ENTPD1: variants seen among roughly 807,000 people sequenced by gnomAD.
ENTPD1 encodes the protein ectonucleoside triphosphate diphosphohydrolase 1, also known as ATP diphosphohydrolase.
Under a neutral mutation model 57.0 loss-of-function variants are expected in ENTPD1, and 33 were observed. The observed-to-expected ratio is 0.58, with a 90% confidence interval of 0.44 to 0.77. ENTPD1 has a LOEUF of 0.77. Among genes scored for constraint, ENTPD1 ranks in the 30% least tolerant of loss-of-function variants. ENTPD1 has a pLI of 0.00. For synonymous variants in ENTPD1, 202 were observed against 218.8 expected, an observed-to-expected ratio of 0.92 and a Z score of 0.68; for missense variants, 501 against 603.4, an observed-to-expected ratio of 0.83 and a Z score of 1.78.
chr10:95,744,084 C>G (rs1222427283), intron 1 of ENTPD1, among the ~76,000 whole-genome samples: 1 of 141,948 alleles, frequency 7.0e-6, no homozygotes, highest in Non-Finnish European at 1.5e-5. Context: ...CCCTATTAAG[C>G]TAAACCTGAG....
the ENTPD1 span, among the ~76,000 whole-genome samples, chr10:95,698,769 A>C: frequency 6.6e-6 from 1 of 152,208 alleles, no homozygotes; most frequent in African/African-American, 2.4e-5. Context: ...TTTTTTCTTT[A>C]TAAATTACCC....
At position 95,811,359 on chromosome 10, in the gene ENTPD1, C is replaced by T. The variant is rs548909190; in HGVS notation, c.17-11878C>T. Reference sequence around the variant, plus strand: ...CAAAGTCAACATTAAACCACCAGCGCACAACTTCCTATGTACCCAATGTTC... The same window carrying T: ...CAAAGTCAACATTAAACCACCAGCGTACAACTTCCTATGTACCCAATGTTC... On this transcript the variant is annotated intron_variant, in intron 1 of 9. Coordinates refer to ENST00000371205, the MANE Select transcript of ENTPD1 (RefSeq NM_001776.6). Among the ~76,000 whole-genome samples the T allele has an allele frequency of 7.9e-5, 12 of 152,260 alleles. No homozygotes were observed. The South Asian group carries it at 2.5e-3, about 32-fold the overall frequency.
chr10:95,871,412 C>T lies in ENTPD1; in HGVS notation c.*5029C>T, dbSNP rs778650594. The T allele has an allele frequency of 9.1e-6, 9 of 985,310 alleles. No individual in the cohort carries two copies. Among genetic ancestry groups the T allele is most frequent in the African/African-American group, 1.7e-5 (1 of 57,242 alleles). 61.0% of individuals were successfully genotyped at this position (985,310 alleles called of 1,614,324 possible). On this transcript the variant is annotated 3_prime_UTR_variant, in exon 10 of 10. Coordinates refer to ENST00000371205, the MANE Select transcript of ENTPD1 (RefSeq NM_001776.6). ...GCTGTGGCAGCTCCCACATTAGCCT[C>T]GCATTCTAAACTGGTAGATGTCCTA... is the stretch of plus-strand genomic sequence containing the variant.
chr10:95,847,617 A>C lies in ENTPD1; in HGVS notation c.985A>C (p.Ile329Leu). The change falls in exon 7 of 10, where the codon ATC becomes CTC. Residue 329 changes from isoleucine to leucine, a missense_variant. Transcript: ENST00000371205. Reference sequence around the variant, plus strand: ...AAACTATCAACAATGCCATCAAAGCATCCTGGAGCTCTTCAACACCAGTTA... The same window carrying C: ...AAACTATCAACAATGCCATCAAAGCCTCCTGGAGCTCTTCAACACCAGTTA... Reference protein sequence around the residue: ...IGNYQQCHQSILELFNTSYCP... With the variant: ...IGNYQQCHQSLLELFNTSYCP... 1 of 1,614,216 alleles carries C rather than the reference A, an allele frequency of 6.2e-7. No individual in the cohort carries two copies. Among genetic ancestry groups the C allele is most frequent in the Non-Finnish European group, 8.5e-7 (1 of 1,180,034 alleles).
At chr10:95,814,109 G>A (rs998050480) in intron 1 of ENTPD1, among the ~76,000 whole-genome samples, 2 of 152,294 alleles carry the variant, frequency 1.3e-5, no homozygotes, top group African/African-American at 4.8e-5. Context: ...AGATTGTTAC[G>A]CCTTTTGGCT....
At chr10:95,835,574 C>G (rs1450741662) in intron 2 of ENTPD1, among the ~76,000 whole-genome samples, 1 of 152,162 alleles carries the variant, frequency 6.6e-6, no homozygotes, top group African/African-American at 2.4e-5. Context: ...TAAGCATTCT[C>G]TTGTATGCAC....
intron 1 of ENTPD1, among the ~76,000 whole-genome samples, chr10:95,739,421 C>T (rs2097997906): frequency 6.6e-6 from 1 of 152,208 alleles, no homozygotes. Context: ...CATTTTAAAT[C>T]CTTTGCTGTC....
chr10:95,718,529 G>A (rs572363973), intron 1 of ENTPD1, among the ~76,000 whole-genome samples: 86 of 152,206 alleles, frequency 5.7e-4, no homozygotes, highest in African/African-American at 1.9e-3. Context: ...ATGGCTTCCT[G>A]ATGTTTGATA....
At chr10:95,705,331 T>C in the ENTPD1 span, among the ~76,000 whole-genome samples, 4 of 151,646 alleles carry the variant, frequency 2.6e-5, no homozygotes, top group African/African-American at 7.3e-5. Flanking sequence ...AAAAGACTTG[T>C]ATGACAACAT....
chr10:95,729,116 A>G (rs2097986727), intron 1 of ENTPD1, among the ~76,000 whole-genome samples: 1 of 152,036 alleles, frequency 6.6e-6, no homozygotes, highest in Non-Finnish European at 1.5e-5. Context: ...ATTTTTTGAA[A>G]TCCACATGTA....
chr10:95,833,440 A>G (rs2098402164), intron 2 of ENTPD1: 1 of 152,256 alleles, frequency 6.6e-6, no homozygotes, highest in Non-Finnish European at 1.5e-5. Flanking sequence ...GTTTGTTTAT[A>G]GAGTACTAGA....
At chr10:95,710,072 C>T (rs2097964317), upstream of ENTPD1, among the ~76,000 whole-genome samples, 1 of 152,092 alleles carries the variant, frequency 6.6e-6, no homozygotes, top group Non-Finnish European at 1.5e-5. Flanking sequence ...CTGTGCACAG[C>T]CCCCAAGACG....
intron 1 of ENTPD1, among the ~76,000 whole-genome samples, chr10:95,725,115 T>C (rs1322205348): frequency 1.6e-5 from 2 of 124,522 alleles, no homozygotes; most frequent in African/African-American, 3.0e-5. Context: ...CTTATTCTGA[T>C]ACTTTCAATC....
chr10:95,719,507 G>T (rs1479430046), intron 1 of ENTPD1, among the ~76,000 whole-genome samples: 1 of 152,320 alleles, frequency 6.6e-6, no homozygotes, highest in Non-Finnish European at 1.5e-5. Flanking sequence ...TTGGGATGAG[G>T]ATAAGCCAGT....
chr10:95,734,700 T>C (rs2097992725), intron 1 of ENTPD1, among the ~76,000 whole-genome samples: 1 of 152,264 alleles, frequency 6.6e-6, no homozygotes, highest in Admixed American at 6.5e-5. Flanking sequence ...ATACTTAGTC[T>C]GTTAATTCCT....
chr10:95,741,682 C>T (rs923491733), intron 1 of ENTPD1, among the ~76,000 whole-genome samples: 15 of 152,168 alleles, frequency 9.9e-5, no homozygotes, highest in Admixed American at 9.2e-4. Flanking sequence ...AGGCATTAAG[C>T]AGTTCCCAGG....
chr10:95,846,238 G>A (rs2098435469), intron 6 of ENTPD1: 1 of 153,880 alleles, frequency 6.5e-6, no homozygotes, highest in Non-Finnish European at 1.4e-5. Flanking sequence ...AATTAGCTGG[G>A]CATGGTGGCA....
chr10:95,805,396 G>T (rs913720806), intron 1 of ENTPD1, among the ~76,000 whole-genome samples: 2 of 152,108 alleles, frequency 1.3e-5, no homozygotes, highest in East Asian at 3.8e-4. Context: ...TTTCACATGA[G>T]ATGGGTCTCC....
chr10:95,759,850 G>C (rs1020244461), intron 1 of ENTPD1, among the ~76,000 whole-genome samples: 4 of 152,182 alleles, frequency 2.6e-5, no homozygotes, highest in African/African-American at 9.6e-5. Flanking sequence ...ATTGGTTTCT[G>C]CATCTTCCAG....
Sources: allele counts gnomAD v4.1 joint callset (sites outside exome capture counted in the v4.1 genomes callset), GRCh38; gene constraint gnomAD v4.1.1; transcripts MANE v1.5; gene names NCBI Gene and HGNC (gene_info 2026-07-23, HGNC 2026-07-21).